Variants in SINHCAF observed in about 807,000 individuals in gnomAD.
SINHCAF encodes SIN3-HDAC complex-associated factor.
In SINHCAF, 3 loss-of-function variants were observed where a neutral mutation model predicts 25.8. The observed-to-expected ratio is 0.12, with a 90% confidence interval of 0.05 to 0.30. The LOEUF is 0.30. SINHCAF is among the 10% of genes least tolerant of loss of function. SINHCAF has a pLI of 1.00. For missense variants in SINHCAF, 121 were observed against 262.3 expected, an observed-to-expected ratio of 0.46 and a Z score of 3.72; for synonymous variants, 70 against 85.5, an observed-to-expected ratio of 0.82 and a Z score of 1.00.
chr12:31,312,229 T>A (rs1000768633), intron 1 of SINHCAF, among the ~76,000 whole-genome samples: 1 of 152,280 alleles, frequency 6.6e-6, no homozygotes, highest in African/African-American at 2.4e-5. Context: ...CTGTATTTTT[T>A]ATTTTTCTTC....
In SINHCAF at chr12:31,325,078, G is replaced by A. The variant is rs1283360243; in HGVS notation, c.-21+946C>T. 2.2e-6 allele frequency: 1 copy of A among 456,656 alleles called. No individual in the cohort carries two copies. Among genetic ancestry groups the A allele is most frequent in the Non-Finnish European group, 4.4e-6 (1 of 226,986 alleles). 28.3% of individuals were successfully genotyped at this position (456,656 alleles called of 1,614,324 possible). ...AGAGCACAAAAAGCAGTGCCCTGCG[G>A]AGTTCACTGACTCCCGCGGCGTACA... On this transcript the variant is annotated intron_variant, in intron 1 of 5. Transcript: ENST00000337682. The surrounding 1 kb of genome is among the most constrained non-coding windows in gnomAD (Gnocchi z 5.9).
At chr12:31,308,647 C>A (rs1424010450) in intron 1 of SINHCAF, among the ~76,000 whole-genome samples, 2 of 152,140 alleles carry the variant, frequency 1.3e-5, no homozygotes, top group Non-Finnish European at 2.9e-5. Flanking sequence ...TGAGGATCCC[C>A]TGAGAGAAGT....
chr12:31,296,049 A>G (rs932653179), intron 2 of SINHCAF, among the ~76,000 whole-genome samples: 1 of 152,074 alleles, frequency 6.6e-6, no homozygotes, highest in Admixed American at 6.5e-5. Context: ...TTAATTTAAA[A>G]AAATGCTTTT....
At chr12:31,305,682 G>A (rs762560494) in intron 1 of SINHCAF, among the ~76,000 whole-genome samples, 16 of 151,356 alleles carry the variant, frequency 1.1e-4, no homozygotes, top group South Asian at 2.1e-4. Context: ...ATCAAAATAC[G>A]GAAATATAGG....
chr12:31,288,625 C>A (rs1938173622), intron 4 of SINHCAF, among the ~76,000 whole-genome samples: 1 of 73,198 alleles, frequency 1.4e-5, no homozygotes, highest in African/African-American at 9.4e-5. Context: ...ATTCTAACAC[C>A]TGGCGGTAAG....
chr12:31,308,840 C>T (rs1028796935), intron 1 of SINHCAF, among the ~76,000 whole-genome samples: 1 of 151,996 alleles, frequency 6.6e-6, no homozygotes, highest in Non-Finnish European at 1.5e-5. Flanking sequence ...TGAAAAATAT[C>T]GTCAGGGACA....
chr12:31,305,132 G>A (rs1938967455), intron 1 of SINHCAF: 1 of 152,150 alleles, frequency 6.6e-6, no homozygotes, highest in Admixed American at 6.5e-5. Context: ...GCCTTTTTAA[G>A]GTGAGAGATA....
In SINHCAF at chr12:31,325,074, T is replaced by C. The variant is rs1939904179; in HGVS notation, c.-21+950A>G. ...ACGTAGAGCACAAAAAGCAGTGCCC[T>C]GCGGAGTTCACTGACTCCCGCGGCG... On this transcript the variant is annotated intron_variant, in intron 1 of 5. Coordinates refer to ENST00000337682, the MANE Select transcript of SINHCAF (RefSeq NM_001135812.2). This position sits in a 1 kb window ranked among gnomAD's most constrained non-coding sequence, Gnocchi z 5.9. The C allele has an allele frequency of 2.2e-6, 1 of 456,814 alleles. No individual in the cohort carries two copies. Among genetic ancestry groups the C allele is most frequent in the Non-Finnish European group, 4.4e-6 (1 of 226,992 alleles). 28.3% of individuals were successfully genotyped at this position (456,814 alleles called of 1,614,324 possible).
At chr12:31,285,974 CAA>C (rs34769347) in intron 5 of SINHCAF, among the ~76,000 whole-genome samples, 39 of 77,440 alleles carry the variant, frequency 5.0e-4, no homozygotes, top group Admixed American at 1.0e-3. Context: ...AACTCTGTCT[CAA>C]AAAAAAAAAA....
At chr12:31,300,283 C>T (rs1465136600) in intron 1 of SINHCAF, among the ~76,000 whole-genome samples, 1 of 152,090 alleles carries the variant, frequency 6.6e-6, no homozygotes, top group Admixed American at 6.5e-5. Context: ...AAAACTGAAG[C>T]TTCCCTTTCA....
Position 31,325,117 on chromosome 12 carries a change from T to G in SINHCAF, c.-21+907A>C. 1 of 456,716 alleles carries G rather than the reference T, an allele frequency of 2.2e-6. No individual in the cohort carries two copies. The highest frequency in any genetic ancestry group is 4.4e-6 in the Non-Finnish European group (1 of 226,958). 28.3% of individuals were successfully genotyped at this position (456,716 alleles called of 1,614,324 possible). Reference sequence around the variant, plus strand: ...CCGCGGCGTACACAACGCCGCCGCCTCCATCTCCAGCCAAGTTGGCTTCCC... The same window carrying G: ...CCGCGGCGTACACAACGCCGCCGCCGCCATCTCCAGCCAAGTTGGCTTCCC... On this transcript the variant is annotated intron_variant, in intron 1 of 5. Coordinates refer to ENST00000337682, the MANE Select transcript of SINHCAF (RefSeq NM_001135812.2). This position sits in a 1 kb window ranked among gnomAD's most constrained non-coding sequence, Gnocchi z 5.9.
chr12:31,311,021 CA>C (rs1304046571), intron 1 of SINHCAF, among the ~76,000 whole-genome samples: 5 of 152,074 alleles, frequency 3.3e-5, no homozygotes, highest in Non-Finnish European at 7.3e-5. Flanking sequence ...AGGTGTGTGC[CA>C]CCACGACTGG....
At chr12:31,315,170 G>A (rs757381210) in intron 1 of SINHCAF, among the ~76,000 whole-genome samples, 21 of 152,256 alleles carry the variant, frequency 1.4e-4, no homozygotes, top group Middle Eastern at 3.4e-3. Flanking sequence ...AAATATGTGC[G>A]GTATGGTGAA....
intron 1 of SINHCAF, among the ~76,000 whole-genome samples, chr12:31,314,425 C>A (rs1363967793): frequency 6.6e-6 from 1 of 152,040 alleles, no homozygotes; most frequent in Non-Finnish European, 1.5e-5. Flanking sequence ...ACTCTGAAGG[C>A]TGAGGCAGAA....
intron 3 of SINHCAF, among the ~76,000 whole-genome samples, chr12:31,294,635 G>C (rs138835405): frequency 5.6e-4 from 86 of 152,234 alleles, no homozygotes; most frequent in African/African-American, 2.0e-3. Context: ...AAAAAGGAAG[G>C]TTGTTATCAT....
intron 4 of SINHCAF, among the ~76,000 whole-genome samples, chr12:31,291,145 C>T (rs778264529): frequency 1.3e-5 from 2 of 152,192 alleles, no homozygotes; most frequent in Non-Finnish European, 2.9e-5. Flanking sequence ...GCCAAAAACA[C>T]TCCAGGAACT....
intron 1 of SINHCAF, among the ~76,000 whole-genome samples, chr12:31,302,576 G>T (rs1206813305): frequency 6.6e-6 from 1 of 150,524 alleles, no homozygotes; most frequent in Non-Finnish European, 1.5e-5. Flanking sequence ...GGAAGCACAG[G>T]TTCCAACAGG....
In SINHCAF at chr12:31,325,402, G is replaced by A. The variant is rs1368965388; in HGVS notation, c.-21+622C>T. On this transcript the variant is annotated intron_variant, in intron 1 of 5. Coordinates refer to ENST00000337682, the MANE Select transcript of SINHCAF (RefSeq NM_001135812.2). The surrounding 1 kb of genome is among the most constrained non-coding windows in gnomAD (Gnocchi z 5.9). ...ACAACGCCACGCCGCGTGCGCTCCG[G>A]CAGAGCCCAGCACTGACCCCCAAAG... 3 of 372,764 alleles carry A rather than the reference G, an allele frequency of 8.0e-6. No individual in the cohort carries two copies. The highest frequency in any genetic ancestry group is 1.6e-5 in the Non-Finnish European group (3 of 186,386). 23.1% of individuals were successfully genotyped at this position (372,764 alleles called of 1,614,324 possible). A position where few individuals can be genotyped will look rare whatever the true frequency, so the allele number is the denominator to read the frequency against.
intron 4 of SINHCAF, among the ~76,000 whole-genome samples, chr12:31,292,526 A>T (rs1446015655): frequency 6.6e-6 from 1 of 151,894 alleles, no homozygotes; most frequent in Non-Finnish European, 1.5e-5. Context: ...AAAAGAAAAT[A>T]TCTAGTGAGA....
Sources: gnomAD v4.1 joint callset for allele counts (sites outside exome capture counted in the v4.1 genomes callset) on GRCh38, gnomAD v4.1.1 for gene constraint, Gnocchi (gnomAD v3.1) non-coding constraint, MANE v1.5 for transcripts, NCBI Gene and HGNC (gene_info 2026-07-23, HGNC 2026-07-21) for gene names.